The following POU6F2 variants were observed in gnomAD, a reference collection of about 807,000 sequenced individuals.
POU6F2 encodes POU domain, class 6, transcription factor 2.
A neutral mutation model predicts 71.3 loss-of-function variants in POU6F2; 31 were observed. The observed-to-expected ratio is 0.43, with a 90% CI of 0.33 to 0.59. POU6F2 has a LOEUF of 0.59. Among genes scored for constraint, POU6F2 ranks in the 20% least tolerant of loss-of-function variants. POU6F2 has a pLI of 0.04. For missense variants in POU6F2, 783 were observed against 856.8 expected, an observed-to-expected ratio of 0.91 and a Z score of 1.07; for synonymous variants, 347 against 355.7, an observed-to-expected ratio of 0.98 and a Z score of 0.27.
chr7:39,022,671 T>A (rs1203608969), intron 1 of POU6F2, among the ~76,000 whole-genome samples: 1 of 152,296 alleles, frequency 6.6e-6, no homozygotes, highest in Admixed American at 6.5e-5. Context: ...TGATATTCAT[T>A]GTTTTCACAT....
chr7:39,131,666 G>A (rs1359279484), intron 2 of POU6F2, among the ~76,000 whole-genome samples: 1 of 152,132 alleles, frequency 6.6e-6, no homozygotes, highest in Non-Finnish European at 1.5e-5. Context: ...GGTATTTCAA[G>A]TGCCATAGCC....
At chr7:39,461,462 G>T (rs1178461861) in intron 9 of POU6F2, among the ~76,000 whole-genome samples, 1 of 152,166 alleles carries the variant, frequency 6.6e-6, no homozygotes, top group Non-Finnish European at 1.5e-5. Flanking sequence ...AGGCACTTCG[G>T]TAAGAGCTTT....
intron 2 of POU6F2, among the ~76,000 whole-genome samples, chr7:39,139,323 T>G (rs957257770): frequency 6.6e-6 from 1 of 152,330 alleles, no homozygotes; most frequent in East Asian, 1.9e-4. Flanking sequence ...CTAGGGAGAC[T>G]GGGCTTAGGA....
In POU6F2 at chr7:39,339,082, TAAAA is replaced by T. The variant is rs1554344614; in HGVS notation, c.599-548_599-545del. On this transcript the variant is annotated intron_variant, in intron 4 of 9. Coordinates refer to ENST00000518318, the MANE Select transcript of POU6F2 (RefSeq NM_001370959.1). ...GAAGCATGTACTGCTTTTGAATTTTTAAAAAAAAAAAAAAACAGTTAGAAATTTG... is the reference window on the plus strand; with the variant it reads ...GAAGCATGTACTGCTTTTGAATTTTTAAAAAAAAAAACAGTTAGAAATTTG... Among the ~76,000 whole-genome samples, 53 of 144,040 alleles carry T rather than the reference TAAAA, an allele frequency of 3.7e-4. No individual in the cohort carries two copies. In the South Asian group the frequency reaches 9.6e-3, roughly 26 times the overall value. The allele number at this position is 144,040 out of a possible 152,430, so 94.5% of individuals were successfully genotyped here. A position where few individuals can be genotyped will look rare whatever the true frequency, so the allele number is the denominator to read the frequency against.
In POU6F2 at chr7:39,022,103, T is replaced by G. The variant is rs1262939907; in HGVS notation, c.105+44045T>G. Among the ~76,000 whole-genome samples, 13 of 152,062 alleles carry G rather than the reference T, an allele frequency of 8.5e-5. No homozygotes were observed. The East Asian group carries it at 2.5e-3, about 29-fold the overall frequency. ...GACTTTCTTTGGCTCAGGGAAAATATCTTTTATTATATCTCTGATTAATGC... is the reference window on the plus strand; with the variant it reads ...GACTTTCTTTGGCTCAGGGAAAATAGCTTTTATTATATCTCTGATTAATGC... On this transcript the variant is annotated intron_variant, in intron 1 of 9. Coordinates refer to ENST00000518318, the MANE Select transcript of POU6F2 (RefSeq NM_001370959.1).
At chr7:39,237,926 T>G (rs1206200282) in intron 4 of POU6F2, among the ~76,000 whole-genome samples, 1 of 152,204 alleles carries the variant, frequency 6.6e-6, no homozygotes, top group East Asian at 1.9e-4. Context: ...AACCATTTGG[T>G]TTTCTCCATT....
chr7:39,414,696 T>G (rs1244858483), intron 6 of POU6F2, among the ~76,000 whole-genome samples: 1 of 69,918 alleles, frequency 1.4e-5, no homozygotes, highest in Non-Finnish European at 3.0e-5. Context: ...CGCCCCGCCC[T>G]CCATCCTTCT....
chr7:39,200,222 A>G (rs371210179), intron 2 of POU6F2, among the ~76,000 whole-genome samples: 2 of 152,222 alleles, frequency 1.3e-5, no homozygotes, highest in African/African-American at 2.4e-5. Context: ...GGTAACGTCT[A>G]AGCCACTGCT....
chr7:39,279,779 C>A (rs186159269), intron 4 of POU6F2, among the ~76,000 whole-genome samples: 1 of 151,996 alleles, frequency 6.6e-6, no homozygotes, highest in African/African-American at 2.4e-5. Context: ...TAGAGTTTCA[C>A]TCTGTTGCCT....
At chr7:39,023,116 T>C (rs1478442863) in intron 1 of POU6F2, among the ~76,000 whole-genome samples, 1 of 152,116 alleles carries the variant, frequency 6.6e-6, no homozygotes, top group Admixed American at 6.6e-5. Context: ...CTTTTTCATA[T>C]ATTCATTGAT....
intron 6 of POU6F2, among the ~76,000 whole-genome samples, chr7:39,420,518 G>C (rs910175022): frequency 3.3e-5 from 5 of 152,302 alleles, no homozygotes; most frequent in African/African-American, 1.2e-4. Context: ...ATCTAGACTG[G>C]TTCCTGAAAT....
chr7:39,292,466 T>C (rs12673726), intron 4 of POU6F2, among the ~76,000 whole-genome samples: 69,891 of 152,096 alleles, frequency 0.46, 16,877 homozygotes, highest in Admixed American at 0.59. Flanking sequence ...GCTCGGCCCA[T>C]CTTTGTGTCC....
At chr7:39,298,596 G>T (rs1240130708) in intron 4 of POU6F2, among the ~76,000 whole-genome samples, 2 of 152,160 alleles carry the variant, frequency 1.3e-5, no homozygotes, top group Non-Finnish European at 2.9e-5. Flanking sequence ...AGACAGTGTG[G>T]CTATTCCTCA....
rs769954949 is a variant in POU6F2, at chr7:39,207,519, T to C, written c.497T>C (p.Leu166Pro). ...MAGQLGGQQG[L>P]VLTLPTANLT... ...GGACAGCTAGGAGGCCAGCAAGGAC[T>C]GGTTCTCACACTGCCAACAGCGAAT... Residue 166 changes from leucine to proline, a missense_variant, in exon 4 of 10, where the codon CTG (leucine) becomes CCG (proline). Physicochemically the swap from Leu to Pro is moderately conservative, Grantham distance 98. This residue lies in a region of POU6F2 where 572 missense variants were observed against 572.9 expected (regional missense o/e 1.00). Transcript: ENST00000518318. The C allele has an allele frequency of 3.7e-6, 6 of 1,614,016 alleles. No homozygotes were observed. Among genetic ancestry groups the C allele is most frequent in the Non-Finnish European group, 5.1e-6 (6 of 1,179,878 alleles).
chr7:39,008,571 G>C (rs1185922828), intron 1 of POU6F2, among the ~76,000 whole-genome samples: 1 of 150,208 alleles, frequency 6.7e-6, no homozygotes, highest in African/African-American at 2.4e-5. Context: ...CATTGCTTTT[G>C]GTGTTTTAGA....
At chr7:39,442,477 T>C (rs1363364318) in intron 7 of POU6F2, among the ~76,000 whole-genome samples, 7 of 152,178 alleles carry the variant, frequency 4.6e-5, no homozygotes. Context: ...TCTAAATCTG[T>C]AGCCTGGGGA....
At position 39,260,355 on chromosome 7, in the gene POU6F2, C is replaced by T. The variant is rs1784110427; in HGVS notation, c.598+52735C>T. Among the ~76,000 whole-genome samples the T allele has an allele frequency of 2.0e-5, 3 of 147,982 alleles. No individual in the cohort carries two copies. The South Asian group carries it at 6.5e-4, about 32-fold the overall frequency. ...CACCACACACTCTATACACATACAA[C>T]ACACATACCACACACACATTCCATA... On this transcript the variant is annotated intron_variant, in intron 4 of 9. Transcript: ENST00000518318.
At chr7:39,030,429 A>T (rs1266243500) in intron 1 of POU6F2, among the ~76,000 whole-genome samples, 1 of 144,440 alleles carries the variant, frequency 6.9e-6, no homozygotes, top group Non-Finnish European at 1.5e-5. Context: ...CTTGCCTGAG[A>T]TCTGATTATT....
intron 4 of POU6F2, among the ~76,000 whole-genome samples, chr7:39,237,591 T>C (rs1794696825): frequency 6.6e-6 from 1 of 152,118 alleles, no homozygotes; most frequent in Non-Finnish European, 1.5e-5. Context: ...TGGACACTTG[T>C]AGAAAGGTGT....
Sources: gnomAD v4.1 joint callset for allele counts (sites outside exome capture counted in the v4.1 genomes callset) on GRCh38, gnomAD v4.1.1 for gene constraint, gnomAD v4.1.1 regional missense constraint, MANE v1.5 for transcripts, NCBI Gene and HGNC (gene_info 2026-07-23, HGNC 2026-07-21) for gene names.